Variants in DAB1 observed in about 807,000 individuals in gnomAD.
The protein encoded by DAB1 is DAB adaptor protein 1.
A neutral mutation model predicts 64.6 loss-of-function variants in DAB1; 15 were observed. That is an observed-to-expected ratio of 0.23 (90% confidence interval 0.16 to 0.36). DAB1 has a LOEUF of 0.36. Ranked by LOEUF, DAB1 falls within the 10% of genes least tolerant of loss-of-function variation. The pLI, the probability that DAB1 is intolerant of heterozygous loss-of-function variation, is 1.00. For synonymous variants in DAB1, 235 were observed against 251.9 expected (o/e 0.93, Z 0.64); for missense variants, 596 against 706.7 (o/e 0.84, Z 1.78).
chr1:57,134,033 G>A (rs1293150286), intron 4 of DAB1, among the ~76,000 whole-genome samples: 1 of 152,130 alleles, frequency 6.6e-6, no homozygotes, highest in Admixed American at 6.5e-5. Flanking sequence ...ACTCAACTTA[G>A]ATGTGACTTT....
At chr1:57,319,402 T>G (rs1227446371) in intron 1 of DAB1, among the ~76,000 whole-genome samples, 1 of 152,136 alleles carries the variant, frequency 6.6e-6, no homozygotes, top group African/African-American at 2.4e-5. Context: ...TACACATATT[T>G]GGAATCCAGC....
intron 5 of DAB1, among the ~76,000 whole-genome samples, chr1:58,121,475 C>T (rs1652733594): frequency 6.6e-6 from 1 of 152,134 alleles, no homozygotes; most frequent in Non-Finnish European, 1.5e-5. Context: ...CCCCTACCAC[C>T]TAAGTAAATA....
At chr1:57,416,791 T>C (rs373914914) in intron 1 of DAB1, among the ~76,000 whole-genome samples, 1 of 152,202 alleles carries the variant, frequency 6.6e-6, no homozygotes, top group Non-Finnish European at 1.5e-5. Flanking sequence ...CAGAAACTTA[T>C]TGAGCATCTA....
chr1:58,254,333 T>C (rs2100409588), intron 4 of DAB1, among the ~76,000 whole-genome samples: 1 of 152,124 alleles, frequency 6.6e-6, no homozygotes, highest in East Asian at 1.9e-4. Flanking sequence ...CCCACCCACC[T>C]CCTTTGAGAG....
At chr1:58,124,408 G>A (rs575506344) in intron 5 of DAB1, among the ~76,000 whole-genome samples, 9 of 152,146 alleles carry the variant, frequency 5.9e-5, no homozygotes, top group African/African-American at 1.4e-4. Flanking sequence ...CAACATTGGC[G>A]GCTACCCTGG....
chr1:58,171,149 T>C lies in DAB1; in HGVS notation n.310-20561A>G, dbSNP rs147259437. Reference sequence around the variant, plus strand: ...ATCAGCCAAAGCTGGAGCTATTATCTACATGAATATGGGGAACAAGTTACC... The same window carrying C: ...ATCAGCCAAAGCTGGAGCTATTATCCACATGAATATGGGGAACAAGTTACC... On this transcript the variant is annotated intron_variant and non_coding_transcript_variant, in intron 4 of 20. Transcript: ENST00000485760. Among the ~76,000 whole-genome samples the C allele has an allele frequency of 2.3e-4, 35 of 152,312 alleles. No individual in the cohort carries two copies. In the East Asian group the frequency reaches 6.8e-3, roughly 29 times the overall value.
chr1:57,896,632 A>G (rs904925665), intron 5 of DAB1, among the ~76,000 whole-genome samples: 7 of 151,642 alleles, frequency 4.6e-5, no homozygotes, highest in Non-Finnish European at 1.0e-4. Flanking sequence ...GTTGCTTAAC[A>G]TCTCTGGGCT....
At chr1:57,937,091 G>A (rs1000221698) in intron 5 of DAB1, among the ~76,000 whole-genome samples, 5 of 151,938 alleles carry the variant, frequency 3.3e-5, no homozygotes, top group Admixed American at 2.0e-4. Flanking sequence ...CAGATGCCTT[G>A]TCTTGTTTAT....
intron 2 of DAB1, among the ~76,000 whole-genome samples, chr1:57,260,361 A>T (rs974893360): frequency 6.6e-6 from 1 of 152,074 alleles, no homozygotes; most frequent in African/African-American, 2.4e-5. Context: ...ATATCATCTC[A>T]TTTCATCTTC....
chr1:57,715,784 T>G (rs1010270768), intron 6 of DAB1, among the ~76,000 whole-genome samples: 1 of 151,958 alleles, frequency 6.6e-6, no homozygotes, highest in Non-Finnish European at 1.5e-5. Flanking sequence ...AAAATTGAAG[T>G]AGACACAAAT....
chr1:57,394,294 A>G (rs1039106254), intron 1 of DAB1, among the ~76,000 whole-genome samples: 5 of 152,230 alleles, frequency 3.3e-5, no homozygotes, highest in African/African-American at 1.2e-4. Context: ...TGCTGAAGGC[A>G]GAGAGCTTCG....
At chr1:57,709,278 T>A (rs1205138880) in intron 6 of DAB1, among the ~76,000 whole-genome samples, 1 of 152,196 alleles carries the variant, frequency 6.6e-6, no homozygotes, top group African/African-American at 2.4e-5. Context: ...TTTAATCCAG[T>A]CATGGAGTTT....
chr1:57,429,802 G>A (rs191976218), intron 7 of DAB1, among the ~76,000 whole-genome samples: 65 of 152,234 alleles, frequency 4.3e-4, no homozygotes, highest in African/African-American at 1.5e-3. Flanking sequence ...GATGGTATAT[G>A]GGTGAATTTA....
chr1:57,197,355 A>G (rs72672687), intron 2 of DAB1, among the ~76,000 whole-genome samples: 6 of 149,840 alleles, frequency 4.0e-5, no homozygotes, highest in African/African-American at 4.9e-5. Context: ...AAAAAAAAAA[A>G]AAAGAAAGAA....
intron 7 of DAB1, among the ~76,000 whole-genome samples, chr1:57,582,968 T>C (rs1645331493): frequency 6.6e-6 from 1 of 152,206 alleles, no homozygotes; most frequent in African/African-American, 2.4e-5. Flanking sequence ...AAAATCCCTT[T>C]TCTTCCCTAT....
At chr1:57,882,816 T>C (rs1330423013) in intron 1 of DAB1, among the ~76,000 whole-genome samples, 3 of 152,170 alleles carry the variant, frequency 2.0e-5, no homozygotes, top group African/African-American at 7.2e-5. Flanking sequence ...CCAGCCTCCT[T>C]GCCTGGTGAA....
rs554276685 is a variant in DAB1 at position 58,074,959 on chromosome 1, G to A, written n.387+75552C>T. ...CCTTCATGGCTTCAAAGTGCACCAT[G>A]TTATGGACAAACAAAGTTTCCAAAG... On this transcript the variant is annotated intron_variant and non_coding_transcript_variant, in intron 5 of 20. Coordinates refer to the DAB1 transcript ENST00000485760. 3.3e-5 allele frequency among the ~76,000 whole-genome samples: 5 copies of A among 152,248 alleles called. No individual in the cohort carries two copies. The South Asian group carries it at 8.3e-4, about 25-fold the overall frequency.
chr1:57,441,044 C>T (rs1685922875), intron 7 of DAB1, among the ~76,000 whole-genome samples: 1 of 151,900 alleles, frequency 6.6e-6, no homozygotes, highest in Admixed American at 6.6e-5. Flanking sequence ...TCTAGTAGTC[C>T]ACAGTGTCTA....
At chr1:57,283,033 C>T (rs1453491698) in intron 2 of DAB1, among the ~76,000 whole-genome samples, 2 of 152,230 alleles carry the variant, frequency 1.3e-5, no homozygotes, top group Non-Finnish European at 2.9e-5. Flanking sequence ...GTACAGACTT[C>T]AGCACTGCTA....
Sources: allele counts gnomAD v4.1 joint callset (sites outside exome capture counted in the v4.1 genomes callset), GRCh38; gene constraint gnomAD v4.1.1; transcripts MANE v1.5; gene names NCBI Gene and HGNC (gene_info 2026-07-23, HGNC 2026-07-21).